Variants in RBM27 observed in about 807,000 individuals in gnomAD.
RBM27 encodes RNA binding motif protein 27, also known as RNA-binding protein 27.
Under a neutral mutation model 135.3 loss-of-function variants are expected in RBM27, and 22 were observed. The ratio of observed to expected loss-of-function variants is 0.16; its 90% CI spans 0.12 to 0.23. The LOEUF is 0.23. RBM27 is among the 10% of genes least tolerant of loss of function. The pLI is 1.00. For missense variants in RBM27, 1,009 were observed against 1,281.0 expected (o/e 0.79, Z 3.24); for synonymous variants, 481 against 442.4 (o/e 1.09, Z -1.10).
At chr5:146,281,579 G>A (rs1393076709) in intron 19 of RBM27, among the ~76,000 whole-genome samples, 4 of 152,194 alleles carry the variant, frequency 2.6e-5, no homozygotes, top group East Asian at 3.8e-4. Flanking sequence ...AGTGTTTTAA[G>A]AAAGTTTATG....
Position 146,243,938 on chromosome 5 carries a change from G to A in RBM27, c.1279+6506G>A, listed in dbSNP as rs192323835. On this transcript the variant is annotated intron_variant, in intron 8 of 20. Coordinates refer to ENST00000265271, the MANE Select transcript of RBM27 (RefSeq NM_018989.2). ...AGGAATATACAGATGAATAAGAAAT[G>A]GTCATCTAAGAATCTAAAAATCTAA... Among the ~76,000 whole-genome samples, 8 of 151,868 alleles carry A rather than the reference G, an allele frequency of 5.3e-5. No homozygotes were observed. The East Asian group carries it at 1.5e-3, about 29-fold the overall frequency.
chr5:146,240,602 C>T (rs1198136562), intron 8 of RBM27, among the ~76,000 whole-genome samples: 3 of 152,180 alleles, frequency 2.0e-5, no homozygotes, highest in Non-Finnish European at 2.9e-5. Context: ...GCTGGGATTA[C>T]GGGCATGAAC....
intron 8 of RBM27, among the ~76,000 whole-genome samples, chr5:146,244,433 G>A (rs1337512578): frequency 6.6e-6 from 1 of 152,164 alleles, no homozygotes; most frequent in Non-Finnish European, 1.5e-5. Context: ...CATAGACCCT[G>A]TGAAAATAAA....
chr5:146,204,782 T>TAC (rs1755553839), intron 1 of RBM27, among the ~76,000 whole-genome samples: 1 of 152,118 alleles, frequency 6.6e-6, no homozygotes, highest in Non-Finnish European at 1.5e-5. Flanking sequence ...AATTGGGGTG[T>TAC]AGTATGAGGG....
At chr5:146,285,892 T>C in intron 20 of RBM27, 55 bp from the exon 21 acceptor site, 2 of 1,390,882 alleles carry the variant, frequency 1.4e-6, no homozygotes, top group Non-Finnish European at 2.0e-6. Context: ...GCCTAAAAAG[T>C]ATTTTACTTA....
At chr5:146,255,399 T>C (rs563146450) in intron 10 of RBM27, among the ~76,000 whole-genome samples, 23 of 152,310 alleles carry the variant, frequency 1.5e-4, no homozygotes, top group African/African-American at 5.1e-4. Flanking sequence ...TTAGATATTG[T>C]GTATAGAAAG....
At chr5:146,285,093 A>G (rs1198030888) in intron 20 of RBM27, among the ~76,000 whole-genome samples, 1 of 152,134 alleles carries the variant, frequency 6.6e-6, no homozygotes, top group Non-Finnish European at 1.5e-5. Context: ...AATAGATTTG[A>G]GTTTCTTATT....
chr5:146,235,649 T>G (rs1052868603), intron 7 of RBM27, among the ~76,000 whole-genome samples: 4 of 151,044 alleles, frequency 2.6e-5, no homozygotes, highest in South Asian at 2.1e-4. Context: ...TGTTGTTGTT[T>G]TTTTTTAACT....
chr5:146,274,446 G>A (rs1214285928), intron 19 of RBM27, among the ~76,000 whole-genome samples: 1 of 152,098 alleles, frequency 6.6e-6, no homozygotes. Context: ...TTTTACTAGA[G>A]ATGGGGTTTT....
At chr5:146,268,605 A>G (rs1338092177) in intron 15 of RBM27, among the ~76,000 whole-genome samples, 10 of 151,912 alleles carry the variant, frequency 6.6e-5, no homozygotes, top group Admixed American at 6.6e-4. Context: ...TTTCTTTGAG[A>G]CAAGTTCTCA....
intron 2 of RBM27, among the ~76,000 whole-genome samples, chr5:146,220,535 G>A (rs116510216): frequency 0.019 from 2,928 of 150,330 alleles, 98 homozygotes; most frequent in African/African-American, 0.069. Flanking sequence ...TGGATGAATA[G>A]GAATGTGAAT....
chr5:146,280,360 C>A (rs1759285132), intron 19 of RBM27, among the ~76,000 whole-genome samples: 1 of 152,108 alleles, frequency 6.6e-6, no homozygotes, highest in African/African-American at 2.4e-5. Context: ...CGACCTATTT[C>A]CTTAAAATTT....
At chr5:146,263,916 C>G (rs1484797876) in intron 14 of RBM27, among the ~76,000 whole-genome samples, 6 of 151,242 alleles carry the variant, frequency 4.0e-5, no homozygotes, top group Non-Finnish European at 7.4e-5. Flanking sequence ...ACCAGCCTGG[C>G]CAAAATGGCG....
rs570450139 is a variant in RBM27, at chr5:146,286,121, A to T, written c.*91A>T. On this transcript the variant is annotated 3_prime_UTR_variant, in exon 21 of 21. Transcript: ENST00000265271. ...AAAAGAAGTCAATGAGCCAAAAAAA[A>T]TTTTTTTATTTTTCTTTTCAACACA... 9.8e-5 allele frequency: 112 copies of T among 1,137,930 alleles called. No individual in the cohort carries two copies. Among genetic ancestry groups the T allele is most frequent in the Admixed American group, 2.9e-4 (11 of 38,374 alleles). 70.5% of individuals were successfully genotyped at this position (1,137,930 alleles called of 1,614,324 possible). A position where few individuals can be genotyped will look rare whatever the true frequency, so the allele number is the denominator to read the frequency against.
intron 19 of RBM27, among the ~76,000 whole-genome samples, chr5:146,281,039 G>T (rs1456434659): frequency 6.6e-6 from 1 of 151,676 alleles, no homozygotes; most frequent in Non-Finnish European, 1.5e-5. Flanking sequence ...TGTATTTTTA[G>T]TAGTAGAGAC....
At chr5:146,266,812 C>T (rs1758637442) in intron 14 of RBM27, among the ~76,000 whole-genome samples, 1 of 152,058 alleles carries the variant, frequency 6.6e-6, no homozygotes, top group African/African-American at 2.4e-5. Flanking sequence ...AGGCTCGCAC[C>T]TATAGCCCCA....
intron 18 of RBM27, 148 bp downstream of exon 18, chr5:146,271,206 G>A: frequency 1.6e-6 from 1 of 619,508 alleles, no homozygotes; most frequent in Non-Finnish European, 2.8e-6. Context: ...TTTGAGACAA[G>A]CCTGACCAAC....
At position 146,261,820 on chromosome 5, in the gene RBM27, C is replaced by T; in HGVS notation, c.2190+14C>T. The T allele has an allele frequency of 1.2e-6, 2 of 1,613,710 alleles. No homozygotes were observed. Among genetic ancestry groups the T allele is most frequent in the Non-Finnish European group, 1.7e-6 (2 of 1,179,686 alleles). On this transcript the variant is annotated intron_variant, in intron 13 of 20. Transcript: ENST00000265271. ...GGTATCCAGAAGGTAATCTGGTTCACTGGGAATTAAAGGTCTTTTAGTTAC... is the reference window on the plus strand; with the variant it reads ...GGTATCCAGAAGGTAATCTGGTTCATTGGGAATTAAAGGTCTTTTAGTTAC...
chr5:146,224,092 A>C (rs550563442), intron 3 of RBM27, among the ~76,000 whole-genome samples: 1 of 152,310 alleles, frequency 6.6e-6, no homozygotes, highest in South Asian at 2.1e-4. Flanking sequence ...TATACAGACA[A>C]TATAGTATAG....
Sources: gnomAD v4.1 joint callset for allele counts (sites outside exome capture counted in the v4.1 genomes callset) on GRCh38, gnomAD v4.1.1 for gene constraint, MANE v1.5 for transcripts, NCBI Gene and HGNC (gene_info 2026-07-23, HGNC 2026-07-21) for gene names.